Variants in MYO1C observed in about 807,000 individuals in gnomAD.
The protein encoded by MYO1C is unconventional myosin-Ic.
Under a neutral mutation model 150.8 loss-of-function variants are expected in MYO1C, and 104 were observed. That is an observed-to-expected ratio of 0.69 (90% CI 0.59 to 0.81). MYO1C has a LOEUF of 0.81. Ranked by LOEUF, MYO1C falls within the 30% of genes least tolerant of loss-of-function variation. The probability of loss-of-function intolerance (pLI) is 0.00; values close to 1 mark genes in which losing one functional copy is unlikely to be tolerated. For missense variants in MYO1C, 1,504 were observed against 1,435.0 expected, an observed-to-expected ratio of 1.05 and a Z score of -0.78; for synonymous variants, 663 against 579.9, an observed-to-expected ratio of 1.14 and a Z score of -2.06.
chr17:1,466,706 A>G (rs1429149042), intron 31 of MYO1C, among the ~76,000 whole-genome samples: 1 of 149,238 alleles, frequency 6.7e-6, no homozygotes, highest in Non-Finnish European at 1.5e-5. Context: ...GCTCACTGCA[A>G]TCTCCACCTC....
chr17:1,480,462 C>CAA, intron 7 of MYO1C, 65 bp downstream of exon 7: 28 of 1,233,028 alleles, frequency 2.3e-5, no homozygotes, highest in Non-Finnish European at 3.1e-5. Context: ...AAATAAAAAA[C>CAA]AAAAAAAAAA....
chr17:1,477,756 C>T, intron 13 of MYO1C, 135 bp downstream of exon 13: 1 of 1,033,424 alleles, frequency 9.7e-7, no homozygotes. Context: ...CCTCCATCCT[C>T]CATTCACAGC....
At position 1,474,636 on chromosome 17, in the gene MYO1C, G is replaced by C. The variant is rs1238682500; in HGVS notation, c.1771C>G (p.Leu591Val). ...GTCTCTGGCCGCTTCTTGTCACTGAGCTCGCTCCGGTCAAAGCACTGGCTC... is the reference window on the plus strand; with the variant it reads ...GTCTCTGGCCGCTTCTTGTCACTGACCTCGCTCCGGTCAAAGCACTGGCTC... ...IMSQCFDRSE[L>V]SDKKRPETVA... Residue 591 changes from leucine (L) to valine (V), a missense_variant, in exon 17 of 32, where the codon CTC becomes GTC. Transcript: ENST00000648651. The C allele has an allele frequency of 6.2e-7, 1 of 1,613,938 alleles. No individual in the cohort carries two copies. The highest frequency in any genetic ancestry group is 1.1e-5 in the South Asian group (1 of 91,086).
chr17:1,481,432 C>T (rs1368354381), intron 5 of MYO1C, among the ~76,000 whole-genome samples: 1 of 152,182 alleles, frequency 6.6e-6, no homozygotes, highest in Non-Finnish European at 1.5e-5. Flanking sequence ...ACCGTTTTCC[C>T]TGCTTAGCCT....
chr17:1,474,100 C>T (rs142573260), intron 17 of MYO1C, among the ~76,000 whole-genome samples: 198 of 151,992 alleles, frequency 1.3e-3, no homozygotes, highest in Non-Finnish European at 2.3e-3. Context: ...TGAAGACACA[C>T]GACTCCACTA....
intron 22 of MYO1C, 29 bp downstream of exon 22, chr17:1,470,590 GCC>G: frequency 1.5e-6 from 1 of 665,404 alleles, no homozygotes; most frequent in Non-Finnish European, 2.6e-6. Context: ...CCCAGACCCC[GCC>G]CCTCCTGAAC....
At chr17:1,473,930 C>T (rs924236226) in intron 17 of MYO1C, among the ~76,000 whole-genome samples, 1 of 152,174 alleles carries the variant, frequency 6.6e-6, no homozygotes, top group African/African-American at 2.4e-5. Flanking sequence ...GCTGCAGGCA[C>T]ACCCACTCAT....
chr17:1,466,490 T>C (rs1378137730), intron 31 of MYO1C, among the ~76,000 whole-genome samples: 1 of 151,046 alleles, frequency 6.6e-6, no homozygotes, highest in Admixed American at 6.6e-5. Flanking sequence ...GCCACCACAC[T>C]CGGCTAATTT....
chr17:1,469,546 A>G lies in MYO1C; in HGVS notation c.2595T>C (p.Pro865=), dbSNP rs1347997697. 1.2e-5 allele frequency: 20 copies of G among 1,612,350 alleles called. No homozygotes were observed. Among genetic ancestry groups the G allele is most frequent in the Non-Finnish European group, 1.4e-5 (16 of 1,179,292 alleles). The change falls in exon 25 of 32, where the codon CCT becomes CCC. Residue 865 remains proline, a synonymous_variant. Transcript: ENST00000648651. ...CTCTCCGTACCTGCTGCTTCCACTC[A>G]GGGCTGATACTCCGGCAGTATTTCC... ...MVWKYCRSIS[P]EWKQQLQQKA...
Position 1,466,828 on chromosome 17 carries a change from T to C in MYO1C, c.3165+414A>G, listed in dbSNP as rs138531429. Among the ~76,000 whole-genome samples the C allele has an allele frequency of 3.0e-3, 451 of 151,516 alleles. 2 individuals carry two copies. Among genetic ancestry groups the C allele is most frequent in the African/African-American group, 0.01 (422 of 41,234 alleles). ...TATTAGTAGAGATGGGGTTTCACGA[T>C]GTTGGCCAGGCTGGTCTCGAACTCC... On this transcript the variant is annotated intron_variant, in intron 31 of 31. Transcript: ENST00000648651.
intron 1 of MYO1C, chr17:1,484,628 C>G (rs921105851): frequency 9.7e-6 from 5 of 514,404 alleles, no homozygotes; most frequent in Non-Finnish European, 1.8e-5. Flanking sequence ...GGGCAGAACC[C>G]GGGAGGTGCT....
rs1388826545 is a variant in MYO1C at position 1,469,599 on chromosome 17, G to A, written c.2542C>T (p.Arg848Trp). The A allele has an allele frequency of 5.6e-6, 9 of 1,612,192 alleles. No homozygotes were observed. In the African/African-American group the frequency reaches 8.0e-5, roughly 14 times the overall value. The change falls in exon 25 of 32, where the codon CGG becomes TGG. Residue 848 changes from arginine to tryptophan, a missense_variant. Transcript: ENST00000648651. ...PALREASELL[R>W]ELCIKNMVWK... ...ACCATGTTCTTTATGCACAACTCCC[G>A]CAGAAGCTCTGAGGCCTAAGGGGAG...
In MYO1C at chr17:1,485,769, C is replaced by CGGCGGT. The variant is rs901443180; in HGVS notation, c.76-1472_76-1467dup. On this transcript the variant is annotated intron_variant, in intron 1 of 31. Coordinates refer to ENST00000648651, the MANE Select transcript of MYO1C (RefSeq NM_001080779.2). Reference sequence around the variant, plus strand: ...CCCGCGCTCCGGGTCCCGGGCTCGGCGGCGGTGGCGGCGGCGTCAGCGAGG... The same window carrying CGGCGGT: ...CCCGCGCTCCGGGTCCCGGGCTCGGCGGCGGTGGCGGTGGCGGCGGCGTCAGCGAGG... 2.3e-4 allele frequency: 235 copies of CGGCGGT among 1,014,628 alleles called. 1 individual carries two copies. The South Asian group carries it at 3.2e-3, about 14-fold the overall frequency. 62.9% of individuals were successfully genotyped at this position (1,014,628 alleles called of 1,614,324 possible).
rs201916002 is a variant in MYO1C, at chr17:1,479,567, G to A, written c.1020+25C>T. 93 of 675,584 alleles carry A rather than the reference G, an allele frequency of 1.4e-4. No homozygotes were observed. Among genetic ancestry groups the A allele is most frequent in the East Asian group, 1.6e-4 (4 of 24,562 alleles). 41.8% of individuals were successfully genotyped at this position (675,584 alleles called of 1,614,324 possible). On this transcript the variant is annotated intron_variant, in intron 8 of 31. Coordinates refer to ENST00000648651, the MANE Select transcript of MYO1C (RefSeq NM_001080779.2). The surrounding 1 kb of genome is among the most constrained non-coding windows in gnomAD (Gnocchi z 4.2). ...CAGCCCCCGCCCCCGCCGTCCTCCC[G>A]TCGCCCTCTGCCCGCCCCACTCACC...
Position 1,474,675 on chromosome 17 carries a change from T to A in MYO1C, c.1732A>T (p.Lys578Ter). 1.2e-6 allele frequency: 2 copies of A among 1,613,982 alleles called. No homozygotes were observed. The highest frequency in any genetic ancestry group is 1.7e-6 in the Non-Finnish European group (2 of 1,179,928). The change falls in exon 17 of 32, where the codon AAG becomes TAG. Residue 578 changes from lysine to a stop codon, truncating the protein, a stop_gained. Transcript: ENST00000648651. LOFTEE classifies it high-confidence loss of function. Reference protein sequence around the residue: ...RNLKETMCSSKNPIMSQCFDR... With the variant: ...RNLKETMCSS Reference sequence around the variant, plus strand: ...AAGCACTGGCTCATAATGGGATTCTTTGAGCTACACATGGTCTGTGTGGGC... The same window carrying A: ...AAGCACTGGCTCATAATGGGATTCTATGAGCTACACATGGTCTGTGTGGGC...
chr17:1,470,846 CG>C, intron 21 of MYO1C, 157 bp from the exon 22 acceptor site: 1 of 678,370 alleles, frequency 1.5e-6, no homozygotes, highest in Non-Finnish European at 2.4e-6. Context: ...GGGGACTGCC[CG>C]GAAAAGGGGG....
intron 29 of MYO1C, 118 bp from the exon 30 acceptor site, chr17:1,467,695 CCATCCACCTCCT>C: frequency 1.0e-6 from 1 of 973,200 alleles, no homozygotes; most frequent in Non-Finnish European, 1.5e-6. Flanking sequence ...TCCCACCTCC[CCATCCACCTCCT>C]GACCCCCCAA....
At chr17:1,490,449 G>A (rs1256874101) in intron 1 of MYO1C, among the ~76,000 whole-genome samples, 3 of 152,124 alleles carry the variant, frequency 2.0e-5, no homozygotes, top group Non-Finnish European at 4.4e-5. Context: ...AGTGAGCAGA[G>A]GTCGCACCAC....
At chr17:1,482,376 C>T (rs1455095608) in intron 5 of MYO1C, 102 bp downstream of exon 5, 3 of 1,075,886 alleles carry the variant, frequency 2.8e-6, no homozygotes, top group Non-Finnish European at 4.3e-6. Context: ...TGTTTGACTG[C>T]TGGAATTGCA....
Sources: gnomAD v4.1 joint callset for allele counts (sites outside exome capture counted in the v4.1 genomes callset) on GRCh38, gnomAD v4.1.1 for gene constraint, Gnocchi (gnomAD v3.1) non-coding constraint, MANE v1.5 for transcripts, NCBI Gene and HGNC (gene_info 2026-07-23, HGNC 2026-07-21) for gene names.